Variants in DAB1 observed in about 807,000 individuals in gnomAD.
The protein encoded by DAB1 is DAB adaptor protein 1.
In DAB1, 15 loss-of-function variants were observed where a neutral mutation model predicts 64.6. The observed-to-expected ratio is 0.23, with a 90% CI of 0.16 to 0.36. The LOEUF is 0.36. Ranked by LOEUF, DAB1 falls within the 10% of genes least tolerant of loss-of-function variation. The pLI is 1.00. For missense variants in DAB1, 596 were observed against 706.7 expected, an observed-to-expected ratio of 0.84 and a Z score of 1.78; for synonymous variants, 235 against 251.9, an observed-to-expected ratio of 0.93 and a Z score of 0.64.
chr1:57,363,346 T>C (rs1485477916), intron 1 of DAB1, among the ~76,000 whole-genome samples: 1 of 152,080 alleles, frequency 6.6e-6, no homozygotes, highest in Non-Finnish European at 1.5e-5. Flanking sequence ...AGCTGAGAGA[T>C]GAGAGAGAGG....
intron 1 of DAB1, among the ~76,000 whole-genome samples, chr1:57,354,157 G>A (rs542863940): frequency 6.6e-6 from 1 of 151,844 alleles, no homozygotes; most frequent in Non-Finnish European, 1.5e-5. Flanking sequence ...ATCTTTCATT[G>A]GAGCCAAACA....
chr1:58,485,585 T>C (rs1272661647), intron 3 of DAB1, among the ~76,000 whole-genome samples: 1 of 152,168 alleles, frequency 6.6e-6, no homozygotes, highest in Non-Finnish European at 1.5e-5. Flanking sequence ...CTATTGGATG[T>C]CTTGGTAACT....
intron 5 of DAB1, among the ~76,000 whole-genome samples, chr1:58,020,613 T>C (rs183946704): frequency 8.8e-4 from 133 of 151,908 alleles, no homozygotes; most frequent in African/African-American, 3.1e-3. Context: ...GCAGGTTCTG[T>C]AAAAAAAAGT....
At chr1:57,360,208 C>T (rs1489910228) in intron 1 of DAB1, among the ~76,000 whole-genome samples, 1 of 151,788 alleles carries the variant, frequency 6.6e-6, no homozygotes, top group Non-Finnish European at 1.5e-5. Context: ...GCAATGTTAG[C>T]TGTCAATTTT....
chr1:58,462,083 A>ATTGAGATCC (rs1474345326), intron 3 of DAB1, among the ~76,000 whole-genome samples: 3 of 146,034 alleles, frequency 2.1e-5, no homozygotes, highest in Non-Finnish European at 4.5e-5. Context: ...CAGAGACAAG[A>ATTGAGATCC]TTGAGATCCA....
At chr1:57,352,777 A>G (rs2100865685) in intron 1 of DAB1, among the ~76,000 whole-genome samples, 1 of 152,256 alleles carries the variant, frequency 6.6e-6, no homozygotes, top group East Asian at 1.9e-4. Context: ...TTTTTGGATG[A>G]GATTGACATT....
intron 7 of DAB1, among the ~76,000 whole-genome samples, chr1:57,449,649 G>C (rs1329901917): frequency 6.6e-6 from 1 of 152,058 alleles, no homozygotes; most frequent in Non-Finnish European, 1.5e-5. Flanking sequence ...AAAATGCCAG[G>C]ATTATAAGTG....
intron 5 of DAB1, among the ~76,000 whole-genome samples, chr1:57,937,754 C>A (rs1645047730): frequency 1.3e-5 from 2 of 152,202 alleles, no homozygotes; most frequent in East Asian, 1.9e-4. Context: ...CTGAAGGACT[C>A]AAATCTTCCT....
chr1:58,398,739 T>C (rs1274391477), intron 3 of DAB1, among the ~76,000 whole-genome samples: 1 of 152,152 alleles, frequency 6.6e-6, no homozygotes, highest in African/African-American at 2.4e-5. Flanking sequence ...CCCAACCTAG[T>C]AAGTGGGGAG....
At chr1:57,465,021 C>T (rs1295290189) in intron 7 of DAB1, among the ~76,000 whole-genome samples, 8 of 152,102 alleles carry the variant, frequency 5.3e-5, no homozygotes, top group Admixed American at 5.2e-4. Context: ...GTGTTGTTAG[C>T]AGATGCCAAC....
chr1:58,300,648 GGAAGGAAGGAAGGAAGGAAGGAAGGA>G (rs1662143258), intron 4 of DAB1, among the ~76,000 whole-genome samples: 2 of 51,790 alleles, frequency 3.9e-5, no homozygotes, highest in African/African-American at 1.5e-4. Context: ...GAGAGAGAGA[GGAAGGAAGGAAGGAAGGAAGGAAGGA>G]AGGAAGGAAG....
intron 4 of DAB1, among the ~76,000 whole-genome samples, chr1:57,091,619 AGAG>A: frequency 2.0e-5 from 3 of 152,330 alleles, no homozygotes; most frequent in East Asian, 3.9e-4. Context: ...CAGCAAGTGC[AGAG>A]GTTAAGAACA....
rs114946510 is a variant in DAB1 at position 58,482,547 on chromosome 1, C to T, written n.257+23513G>A. Among the ~76,000 whole-genome samples the T allele has an allele frequency of 4.0e-3, 600 of 151,888 alleles. 2 individuals are homozygous for T. Among genetic ancestry groups the T allele is most frequent in the African/African-American group, 0.013 (548 of 41,268 alleles). ...GGGAAAAAGCTAATTCAGTTTTTTA[C>T]GACTTCTGGCTTTCTGATACTGATG... On this transcript the variant is annotated intron_variant and non_coding_transcript_variant, in intron 3 of 20. Coordinates refer to the DAB1 transcript ENST00000485760.
chr1:58,323,769 CA>C (rs1443281347), intron 4 of DAB1, among the ~76,000 whole-genome samples: 2 of 151,612 alleles, frequency 1.3e-5, no homozygotes, highest in African/African-American at 4.8e-5. Context: ...ACTAAAAATA[CA>C]AAAAATTAGC....
intron 3 of DAB1, among the ~76,000 whole-genome samples, chr1:58,460,437 G>A (rs74817432): frequency 1.3e-3 from 199 of 152,196 alleles, no homozygotes; most frequent in African/African-American, 4.6e-3. Flanking sequence ...ACACTTCTAC[G>A]GAGAAACATT....
intron 1 of DAB1, among the ~76,000 whole-genome samples, chr1:57,381,209 C>T (rs557632270): frequency 1.3e-5 from 2 of 152,268 alleles, no homozygotes; most frequent in South Asian, 2.1e-4. Flanking sequence ...GGTTTTATAA[C>T]TTAAGAAAGA....
intron 6 of DAB1, among the ~76,000 whole-genome samples, chr1:57,716,419 C>T (rs1296426103): frequency 1.3e-5 from 2 of 152,056 alleles, no homozygotes; most frequent in African/African-American, 4.8e-5. Context: ...GTGTACAGAA[C>T]CCAGAAATAA....
At chr1:58,382,693 A>C (rs1557745307) in intron 3 of DAB1, among the ~76,000 whole-genome samples, 1 of 152,244 alleles carries the variant, frequency 6.6e-6, no homozygotes, top group African/African-American at 2.4e-5. Flanking sequence ...AAAGCTTTTT[A>C]AAAGAGACAT....
chr1:57,819,201 G>T (rs550231754), intron 6 of DAB1, among the ~76,000 whole-genome samples: 1 of 152,226 alleles, frequency 6.6e-6, no homozygotes, highest in Non-Finnish European at 1.5e-5. Context: ...CGCAGTTTGT[G>T]TAGAAAGATT....
Sources: allele counts gnomAD v4.1 joint callset (sites outside exome capture counted in the v4.1 genomes callset), GRCh38; gene constraint gnomAD v4.1.1; transcripts MANE v1.5; gene names NCBI Gene and HGNC (gene_info 2026-07-23, HGNC 2026-07-21).